The following AGTR1 variants were observed in gnomAD, a reference collection of about 807,000 sequenced individuals.
AGTR1 encodes the protein type-1 angiotensin II receptor.
AGTR1 carries 16 observed loss-of-function variants against 19.4 expected under a neutral mutation model. The observed-to-expected ratio is 0.82, with a 90% CI of 0.56 to 1.25. The LOEUF is 1.25. AGTR1 is among the 50% of genes most tolerant of loss of function. AGTR1 has a pLI of 0.00. For missense variants in AGTR1, 373 were observed against 431.9 expected (o/e 0.86, Z 1.21); for synonymous variants, 153 against 154.9 (o/e 0.99, Z 0.09).
At chr3:148,739,708 T>C in intron 2 of AGTR1, 1 of 1,155,164 alleles carries the variant, frequency 8.7e-7, no homozygotes, top group Non-Finnish European at 1.1e-6. Flanking sequence ...TGAACACTAC[T>C]CTAAGAACAT....
intron 1 of AGTR1, among the ~76,000 whole-genome samples, chr3:148,701,541 T>G (rs1279024219): frequency 1.3e-5 from 2 of 152,200 alleles, no homozygotes; most frequent in African/African-American, 4.8e-5. Context: ...TTGTTTTGTT[T>G]GTGTTTGTTT....
At chr3:148,720,607 A>C (rs1437141192) in intron 2 of AGTR1, among the ~76,000 whole-genome samples, 1 of 152,208 alleles carries the variant, frequency 6.6e-6, no homozygotes, top group Non-Finnish European at 1.5e-5. Flanking sequence ...ATAATTAACT[A>C]TGTACAGTAC....
Position 148,709,561 on chromosome 3 carries a change from GA to G in AGTR1, c.-48+1536del, listed in dbSNP as rs1712866541. 3.3e-5 allele frequency among the ~76,000 whole-genome samples: 5 copies of G among 152,228 alleles called. No individual in the cohort carries two copies. In the South Asian group the frequency reaches 1.0e-3, roughly 32 times the overall value. On this transcript the variant is annotated intron_variant, in intron 2 of 2. Transcript: ENST00000349243. The stretch of plus-strand genomic sequence containing the variant: ...ATAAGCAAAACATACTTAAGTCTAA[GA>G]AGCTATTTTTTGTTTGTCAAAGAAC...
rs567763178 is a variant in AGTR1 at position 148,741,722 on chromosome 3, G to A, written c.687G>A (p.Gln229=). The change falls in exon 3 of 3, where the codon CAG becomes CAA. Residue 229 remains glutamine, a synonymous_variant. Transcript: ENST00000349243. ...CCCTAAAGAAGGCTTATGAAATTCA[G>A]AAGAACAAACCAAGAAATGATGATA... ...WKALKKAYEI[Q]KNKPRNDDIF... The A allele has an allele frequency of 8.1e-6, 13 of 1,613,956 alleles. No individual in the cohort carries two copies. The highest frequency in any genetic ancestry group is 2.2e-5 in the South Asian group (2 of 91,068).
intron 1 of AGTR1, among the ~76,000 whole-genome samples, chr3:148,703,132 A>C (rs2107925305): frequency 6.6e-6 from 1 of 152,352 alleles, no homozygotes; most frequent in South Asian, 2.1e-4. Flanking sequence ...GGAATCACCC[A>C]GGGGGCATAT....
rs146720167 is a variant in AGTR1, at chr3:148,711,752, T to C, written c.-48+3725T>C. On this transcript the variant is annotated intron_variant, in intron 2 of 2. Transcript: ENST00000349243. The stretch of plus-strand genomic sequence containing the variant: ...AGAGATAGATAGACAGACAGACAGA[T>C]AGACAGATATTTTTGAGACAAAGTC... 1.1e-3 allele frequency among the ~76,000 whole-genome samples: 170 copies of C among 151,288 alleles called. 4 individuals are homozygous for C. The East Asian group carries it at 0.027, about 24-fold the overall frequency.
chr3:148,712,349 C>T (rs1183580048), intron 2 of AGTR1, among the ~76,000 whole-genome samples: 1 of 152,112 alleles, frequency 6.6e-6, no homozygotes, highest in Non-Finnish European at 1.5e-5. Flanking sequence ...ATGTTCATCT[C>T]ACCCAGAGAA....
chr3:148,730,373 G>T, intron 2 of AGTR1: 1 of 388,606 alleles, frequency 2.6e-6, no homozygotes, highest in Non-Finnish European at 4.5e-6. Context: ...GTATGAAGGT[G>T]GGTATTCCAC....
chr3:148,720,084 A>G (rs891429288), intron 2 of AGTR1, among the ~76,000 whole-genome samples: 27 of 152,322 alleles, frequency 1.8e-4, no homozygotes, highest in African/African-American at 6.0e-4. Flanking sequence ...TGAAAAGTTC[A>G]TGGTAGTTGT....
In AGTR1 at chr3:148,741,278, G is replaced by A; in HGVS notation, c.243G>A (p.Leu81=). 1.2e-6 allele frequency: 2 copies of A among 1,613,258 alleles called. No individual in the cohort carries two copies. The highest frequency in any genetic ancestry group is 1.1e-5 in the South Asian group (1 of 91,078). Residue 81 remains leucine, a synonymous_variant, in exon 3 of 3, where the codon TTG becomes TTA. Coordinates refer to ENST00000349243, the MANE Select transcript of AGTR1 (RefSeq NM_000685.5). Reference sequence around the variant, plus strand: ...CTGACTTATGCTTTTTACTGACTTTGCCACTATGGGCTGTCTACACAGCTA... The same window carrying A: ...CTGACTTATGCTTTTTACTGACTTTACCACTATGGGCTGTCTACACAGCTA... ...ALADLCFLLT[L]PLWAVYTAME...
chr3:148,733,396 A>C (rs539929097), intron 2 of AGTR1, among the ~76,000 whole-genome samples: 4 of 152,192 alleles, frequency 2.6e-5, no homozygotes, highest in Admixed American at 6.5e-5. Context: ...ATATTATCAT[A>C]ATTTCTTAAG....
intron 2 of AGTR1, among the ~76,000 whole-genome samples, chr3:148,735,770 T>A (rs370106150): frequency 6.6e-6 from 1 of 151,804 alleles, no homozygotes; most frequent in South Asian, 2.1e-4. Flanking sequence ...CAGAGAGAGG[T>A]GGGGGAAGCA....
At chr3:148,721,850 G>A (rs1384795877) in intron 2 of AGTR1, among the ~76,000 whole-genome samples, 2 of 152,144 alleles carry the variant, frequency 1.3e-5, no homozygotes, top group Non-Finnish European at 2.9e-5. Flanking sequence ...AGGTCATCAA[G>A]AGCTAGAAAA....
chr3:148,730,854 AG>A (rs931737113), intron 2 of AGTR1, among the ~76,000 whole-genome samples: 5 of 152,142 alleles, frequency 3.3e-5, no homozygotes, highest in African/African-American at 1.2e-4. Flanking sequence ...CCATTGCTAG[AG>A]GGGCCAACTA....
Position 148,741,181 on chromosome 3 carries a change from T to C in AGTR1, c.146T>C (p.Val49Ala), listed in dbSNP as rs764573066. The C allele has an allele frequency of 6.2e-7, 1 of 1,614,140 alleles. No homozygotes were observed. Among genetic ancestry groups the C allele is most frequent in the South Asian group, 1.1e-5 (1 of 91,080 alleles). Residue 49 changes from valine to alanine, a missense_variant, in exon 3 of 3, where the codon GTG becomes GCG. Transcript: ENST00000349243. ...FVVGIFGNSL[V>A]VIVIYFYMKL... ...GTGGGAATATTTGGAAACAGCTTGG[T>C]GGTGATAGTCATTTACTTTTATATG...
chr3:148,707,242 T>C (rs1208285677), intron 1 of AGTR1, among the ~76,000 whole-genome samples: 1 of 152,064 alleles, frequency 6.6e-6, no homozygotes, highest in African/African-American at 2.4e-5. Flanking sequence ...ACTATAGATA[T>C]ACATATTTAT....
chr3:148,714,287 A>T (rs988173068), intron 2 of AGTR1, among the ~76,000 whole-genome samples: 2 of 152,172 alleles, frequency 1.3e-5, no homozygotes, highest in Non-Finnish European at 2.9e-5. Context: ...AATATGTTGG[A>T]TGGCATGGAA....
chr3:148,701,656 T>G (rs1219297156), intron 1 of AGTR1, among the ~76,000 whole-genome samples: 1 of 152,230 alleles, frequency 6.6e-6, no homozygotes, highest in East Asian at 1.9e-4. Context: ...TTTATTGTGT[T>G]GTTAATCTCA....
intron 2 of AGTR1, among the ~76,000 whole-genome samples, chr3:148,726,497 A>T (rs1713951407): frequency 6.6e-6 from 1 of 152,128 alleles, no homozygotes; most frequent in Admixed American, 6.5e-5. Flanking sequence ...GTGAGCCAAC[A>T]TGCCTGGCCT....
Sources: allele counts gnomAD v4.1 joint callset (sites outside exome capture counted in the v4.1 genomes callset), GRCh38; gene constraint gnomAD v4.1.1; transcripts MANE v1.5; gene names NCBI Gene and HGNC (gene_info 2026-07-23, HGNC 2026-07-21).